The following ZNF609 variants were observed in gnomAD, a reference collection of about 807,000 sequenced individuals.
ZNF609 encodes the protein zinc finger protein 609.
In ZNF609, 11 loss-of-function variants were observed where a neutral mutation model predicts 109.5. The observed-to-expected ratio is 0.10, with a 90% CI of 0.06 to 0.17. The LOEUF (loss-of-function observed/expected upper bound fraction) is 0.17. Ranked by LOEUF, ZNF609 falls within the 10% of genes least tolerant of loss-of-function variation. The probability of loss-of-function intolerance (pLI) is 1.00; values close to 1 mark genes in which losing one functional copy is unlikely to be tolerated. For missense variants in ZNF609, 1,559 were observed against 1,772.4 expected, an observed-to-expected ratio of 0.88 and a Z score of 2.16; for synonymous variants, 646 against 662.0, an observed-to-expected ratio of 0.98 and a Z score of 0.37.
chr15:64,490,273 T>C (rs886779068), intron 1 of ZNF609, among the ~76,000 whole-genome samples: 1 of 17,358 alleles, frequency 5.8e-5, no homozygotes, highest in African/African-American at 5.5e-4. Context: ...CCAGTAGTTG[T>C]TTTTTTTTTT....
chr15:64,664,878 C>G (rs1457731059), intron 3 of ZNF609, among the ~76,000 whole-genome samples: 1 of 152,184 alleles, frequency 6.6e-6, no homozygotes, highest in South Asian at 2.1e-4. Context: ...TCCCACCCAG[C>G]TGTTTCAAGA....
intron 2 of ZNF609, among the ~76,000 whole-genome samples, chr15:64,548,431 A>T (rs1478246661): frequency 1.3e-5 from 2 of 152,218 alleles, no homozygotes; most frequent in Non-Finnish European, 2.9e-5. Context: ...TTACAAGTCG[A>T]TGAATCAATA....
At chr15:64,623,635 C>T (rs1895911201) in intron 3 of ZNF609, among the ~76,000 whole-genome samples, 1 of 152,210 alleles carries the variant, frequency 6.6e-6, no homozygotes, top group South Asian at 2.1e-4. Flanking sequence ...ATCCACTAAG[C>T]AGTTGGCTCA....
chr15:64,543,952 T>C (rs1384612872), intron 2 of ZNF609, among the ~76,000 whole-genome samples: 2 of 152,200 alleles, frequency 1.3e-5, no homozygotes, highest in Non-Finnish European at 2.9e-5. Flanking sequence ...TACACGTTAC[T>C]TAGCACAACC....
intron 3 of ZNF609, among the ~76,000 whole-genome samples, chr15:64,637,399 A>G (rs1896192189): frequency 6.6e-6 from 1 of 152,184 alleles, no homozygotes; most frequent in Non-Finnish European, 1.5e-5. Context: ...CTATCTATCT[A>G]TACTTAGAAA....
At chr15:64,625,971 G>GAGAGAGAGA (rs1895956829) in intron 3 of ZNF609, among the ~76,000 whole-genome samples, 1 of 110,186 alleles carries the variant, frequency 9.1e-6, no homozygotes, top group African/African-American at 3.7e-5. Context: ...AGAGAGAGAG[G>GAGAGAGAGA]ATATTAAAAT....
chr15:64,525,569 A>C (rs796927095), intron 2 of ZNF609, among the ~76,000 whole-genome samples: 4 of 152,204 alleles, frequency 2.6e-5, no homozygotes, highest in African/African-American at 9.6e-5. Context: ...TTGCATTTCC[A>C]TACAAATTTT....
At chr15:64,651,770 T>C (rs1212399710) in intron 3 of ZNF609, among the ~76,000 whole-genome samples, 1 of 152,226 alleles carries the variant, frequency 6.6e-6, no homozygotes, top group Non-Finnish European at 1.5e-5. Context: ...CTCTGGCAGC[T>C]ACAGCTGAGG....
chr15:64,624,172 T>A (rs1895918797), intron 3 of ZNF609, among the ~76,000 whole-genome samples: 1 of 152,226 alleles, frequency 6.6e-6, no homozygotes, highest in Admixed American at 6.5e-5. Flanking sequence ...ATTAGGAATG[T>A]AATACATCTT....
chr15:64,617,385 G>T (rs1895816510), intron 2 of ZNF609, among the ~76,000 whole-genome samples: 1 of 151,820 alleles, frequency 6.6e-6, no homozygotes, highest in African/African-American at 2.4e-5. Flanking sequence ...CCAGCTACTT[G>T]GGAGGCTGAG....
At chr15:64,490,272 G>T (rs12910366) in intron 1 of ZNF609, among the ~76,000 whole-genome samples, 592 of 20,734 alleles carry the variant, frequency 0.029, 119 homozygotes, top group Non-Finnish European at 0.044. Flanking sequence ...GCCAGTAGTT[G>T]TTTTTTTTTT....
At chr15:64,643,037 C>T (rs1896286338) in intron 3 of ZNF609, among the ~76,000 whole-genome samples, 1 of 152,112 alleles carries the variant, frequency 6.6e-6, no homozygotes, top group South Asian at 2.1e-4. Flanking sequence ...AAATAGCGCT[C>T]ATAAATGCAC....
At chr15:64,562,866 AGCGTGAGTGT>A (rs1236910877) in intron 2 of ZNF609, among the ~76,000 whole-genome samples, 2 of 75,206 alleles carry the variant, frequency 2.7e-5, no homozygotes, top group Non-Finnish European at 5.4e-5. Context: ...AAAGAGGGTA[AGCGTGAGTGT>A]GTGTGTGTGT....
At chr15:64,554,649 C>A (rs771268990) in intron 2 of ZNF609, among the ~76,000 whole-genome samples, 31 of 151,700 alleles carry the variant, frequency 2.0e-4, no homozygotes, top group Non-Finnish European at 2.7e-4. Context: ...CAGATCAAGA[C>A]CTTGCCTCAA....
chr15:64,651,287 G>A (rs1896411904), intron 3 of ZNF609, among the ~76,000 whole-genome samples: 1 of 151,998 alleles, frequency 6.6e-6, no homozygotes, highest in Non-Finnish European at 1.5e-5. Flanking sequence ...CTTTGTATAT[G>A]GGAGCTCATT....
At chr15:64,504,345 A>G (rs1286473050) in intron 2 of ZNF609, among the ~76,000 whole-genome samples, 1 of 152,260 alleles carries the variant, frequency 6.6e-6, no homozygotes, top group African/African-American at 2.4e-5. Context: ...AGCATCTCAC[A>G]GGTAGTCACT....
intron 3 of ZNF609, among the ~76,000 whole-genome samples, chr15:64,628,675 G>T (rs1896014332): frequency 6.6e-6 from 1 of 152,142 alleles, no homozygotes; most frequent in Non-Finnish European, 1.5e-5. Flanking sequence ...GCCCAGGCTG[G>T]AGTGCAATGG....
At chr15:64,521,734 A>G (rs944239247) in intron 2 of ZNF609, among the ~76,000 whole-genome samples, 1 of 152,154 alleles carries the variant, frequency 6.6e-6, no homozygotes, top group Non-Finnish European at 1.5e-5. Context: ...TAAAATGGAC[A>G]GCCATAGTGG....
At chr15:64,594,324 G>A (rs1895353661) in intron 2 of ZNF609, among the ~76,000 whole-genome samples, 1 of 151,518 alleles carries the variant, frequency 6.6e-6, no homozygotes, top group East Asian at 1.9e-4. Flanking sequence ...AAGACTTGGA[G>A]AATGCTCAAA....
Sources: gnomAD v4.1 joint callset for allele counts (sites outside exome capture counted in the v4.1 genomes callset) on GRCh38, gnomAD v4.1.1 for gene constraint, MANE v1.5 for transcripts, NCBI Gene and HGNC (gene_info 2026-07-23, HGNC 2026-07-21) for gene names.